PPARA: variants seen among roughly 807,000 people sequenced by gnomAD.
PPARA encodes peroxisome proliferator activated receptor alpha, also known as peroxisome proliferator-activated receptor alpha.
A neutral mutation model predicts 42.2 loss-of-function variants in PPARA; 22 were observed. That is an observed-to-expected ratio of 0.52 (90% CI 0.37 to 0.74). PPARA has a LOEUF of 0.74. PPARA is among the 30% of genes least tolerant of loss of function. The probability of loss-of-function intolerance (pLI) is 0.00; values close to 1 mark genes in which losing one functional copy is unlikely to be tolerated. For synonymous variants in PPARA, 242 were observed against 239.3 expected, an observed-to-expected ratio of 1.01 and a Z score of -0.10; for missense variants, 465 against 608.2, an observed-to-expected ratio of 0.76 and a Z score of 2.48.
chr22:46,215,401 A>G (rs1254627725), intron 5 of PPARA, 68 bp downstream of exon 5: 1 of 1,593,006 alleles, frequency 6.3e-7, no homozygotes, highest in Non-Finnish European at 8.6e-7. Context: ...TTTTATAGCA[A>G]ATGGCAGTCA....
intron 1 of PPARA, among the ~76,000 whole-genome samples, chr22:46,151,375 C>T (rs1159329213): frequency 6.6e-6 from 1 of 152,192 alleles, no homozygotes; most frequent in African/African-American, 2.4e-5. Flanking sequence ...GGTCGGGCGC[C>T]CAGGTCTTTC....
At chr22:46,174,126 C>G (rs770990542) in intron 2 of PPARA, among the ~76,000 whole-genome samples, 1 of 149,378 alleles carries the variant, frequency 6.7e-6, no homozygotes, top group South Asian at 2.1e-4. Flanking sequence ...TACAGTGAGC[C>G]GAGATTGCAC....
At chr22:46,217,007 C>G (rs4253744) in intron 5 of PPARA, among the ~76,000 whole-genome samples, 8,276 of 152,242 alleles carry the variant, frequency 0.054, 647 homozygotes, top group African/African-American at 0.18. Context: ...GCACAATGTA[C>G]CATCTTGGAA....
In PPARA at chr22:46,162,322, G is replaced by A. The variant is rs575488908; in HGVS notation, c.-127+10352G>A. Among the ~76,000 whole-genome samples the A allele has an allele frequency of 6.6e-6, 1 of 152,272 alleles. No homozygotes were observed. The highest frequency in any genetic ancestry group is 2.1e-4 in the South Asian group (1 of 4,818). On this transcript the variant is annotated intron_variant, in intron 2 of 8. Transcript: ENST00000407236. The surrounding 1 kb of genome is among the most constrained non-coding windows in gnomAD (Gnocchi z 6.0). ...TATGGGATGAGAGGTTGATAGGAGG[G>A]CATGGCCCTGACATTCCAGGGACTG...
chr22:46,195,214 C>G lies in PPARA; in HGVS notation c.-42-3128C>G, dbSNP rs1209251695. ...CACCATGCCCGGCCCCAGCTACTTGCTTTCTATTGGGATGAACCTCATGGT... is the reference window on the plus strand; with the variant it reads ...CACCATGCCCGGCCCCAGCTACTTGGTTTCTATTGGGATGAACCTCATGGT... On this transcript the variant is annotated intron_variant, in intron 3 of 8. Transcript: ENST00000407236. The surrounding 1 kb of genome is among the most constrained non-coding windows in gnomAD (Gnocchi z 4.6). 1.3e-5 allele frequency among the ~76,000 whole-genome samples: 2 copies of G among 152,068 alleles called. No homozygotes were observed. The highest frequency in any genetic ancestry group is 2.4e-5 in the African/African-American group (1 of 41,402).
intron 2 of PPARA, among the ~76,000 whole-genome samples, chr22:46,170,259 GT>G (rs1384230382): frequency 1.3e-5 from 2 of 151,074 alleles, no homozygotes; most frequent in Non-Finnish European, 3.0e-5. Flanking sequence ...TGTTTGTTTT[GT>G]TTTGTTGAGA....
At chr22:46,205,764 A>C (rs1933241858) in intron 4 of PPARA, among the ~76,000 whole-genome samples, 1 of 151,154 alleles carries the variant, frequency 6.6e-6, no homozygotes, top group Non-Finnish European at 1.5e-5. Flanking sequence ...AACTCTGTTT[A>C]AAACATTTAG....
Position 46,187,092 on chromosome 22 carries a change from A to G in PPARA, c.-43+10256A>G, listed in dbSNP as rs1052528592. On this transcript the variant is annotated intron_variant, in intron 3 of 8. Transcript: ENST00000407236. This position sits in a 1 kb window ranked among gnomAD's most constrained non-coding sequence, Gnocchi z 4.9. The stretch of plus-strand genomic sequence containing the variant: ...TATAAGGTGGAGTTTTCAAGGTCAT[A>G]GCACTGCCTTCCCCTGAGGTTGGCC... Among the ~76,000 whole-genome samples the G allele has an allele frequency of 1.3e-5, 2 of 152,192 alleles. No individual in the cohort carries two copies. Among genetic ancestry groups the G allele is most frequent in the Non-Finnish European group, 2.9e-5 (2 of 68,034 alleles).
rs938591619 is a variant in PPARA, at chr22:46,170,316, T to C, written c.-126-6437T>C. On this transcript the variant is annotated intron_variant, in intron 2 of 8. Transcript: ENST00000407236. ...CAGGCTGGAGTGCAGTGGTGTGATCTTGGCTCACTCCTGGCCTCAAGTGAT... is the reference window on the plus strand; with the variant it reads ...CAGGCTGGAGTGCAGTGGTGTGATCCTGGCTCACTCCTGGCCTCAAGTGAT... Among the ~76,000 whole-genome samples, 4 of 151,396 alleles carry C rather than the reference T, an allele frequency of 2.6e-5. No homozygotes were observed. In the South Asian group the frequency reaches 8.3e-4, roughly 32 times the overall value.
intron 4 of PPARA, among the ~76,000 whole-genome samples, chr22:46,199,872 G>A (rs1001534403): frequency 1.3e-5 from 2 of 151,982 alleles, no homozygotes; most frequent in Admixed American, 1.3e-4. Flanking sequence ...ACAGGCACCC[G>A]TCACCATGCC....
Position 46,200,930 on chromosome 22 carries a change from A to G in PPARA, c.208+2339A>G, listed in dbSNP as rs1432033756. Among the ~76,000 whole-genome samples, 1 of 145,200 alleles carries G rather than the reference A, an allele frequency of 6.9e-6. No individual in the cohort carries two copies. Among genetic ancestry groups the G allele is most frequent in the Non-Finnish European group, 1.5e-5 (1 of 66,554 alleles). The stretch of plus-strand genomic sequence containing the variant: ...CAGGGTGAGACTCCATCTCAAAAAA[A>G]AGTTGGGGCGTGGTGGCTCATGCCT... On this transcript the variant is annotated intron_variant, in intron 4 of 8. Transcript: ENST00000407236. This position sits in a 1 kb window ranked among gnomAD's most constrained non-coding sequence, Gnocchi z 4.8.
In PPARA at chr22:46,167,758, C is replaced by T. The variant is rs1927289295; in HGVS notation, c.-126-8995C>T. Reference sequence around the variant, plus strand: ...TTGAACATGATTTAAAAAGCATTAACTAGGCCAGGTATGCTGGCTTACACC... The same window carrying T: ...TTGAACATGATTTAAAAAGCATTAATTAGGCCAGGTATGCTGGCTTACACC... On this transcript the variant is annotated intron_variant, in intron 2 of 8. Transcript: ENST00000407236. This position sits in a 1 kb window ranked among gnomAD's most constrained non-coding sequence, Gnocchi z 4.1. Among the ~76,000 whole-genome samples, 1 of 152,150 alleles carries T rather than the reference C, an allele frequency of 6.6e-6. No homozygotes were observed. Among genetic ancestry groups the T allele is most frequent in the African/African-American group, 2.4e-5 (1 of 41,440 alleles).
chr22:46,228,766 T>G (rs553918164), intron 7 of PPARA, among the ~76,000 whole-genome samples: 52 of 148,686 alleles, frequency 3.5e-4, no homozygotes, highest in African/African-American at 1.4e-3. Flanking sequence ...CCCAACTTCA[T>G]TCAACTCAGT....
At position 46,215,756 on chromosome 22, in the gene PPARA, GA is replaced by G. The variant is rs1178384992; in HGVS notation, c.369+430del. ...AGACTCCATCTTAAAAAAAAAGAAA[GA>G]AAAAAAGAAAAAGAAAAAGAAACTG... On this transcript the variant is annotated intron_variant, in intron 5 of 8. Transcript: ENST00000407236. Among the ~76,000 whole-genome samples the G allele has an allele frequency of 2.0e-5, 3 of 151,346 alleles. No homozygotes were observed. The South Asian group carries it at 6.3e-4, about 32-fold the overall frequency.
chr22:46,199,175 C>G lies in PPARA; in HGVS notation c.208+584C>G, dbSNP rs534392005. On this transcript the variant is annotated intron_variant, in intron 4 of 8. Coordinates refer to ENST00000407236, the MANE Select transcript of PPARA (RefSeq NM_005036.6). ...ACACAGACCCTAACCCCAGCAAGCCCGCGGGGGGCAGCTAGACATTTTTAA... is the reference window on the plus strand; with the variant it reads ...ACACAGACCCTAACCCCAGCAAGCCGGCGGGGGGCAGCTAGACATTTTTAA... 3.3e-5 allele frequency among the ~76,000 whole-genome samples: 5 copies of G among 152,188 alleles called. 1 individual carries two copies. The highest frequency in any genetic ancestry group is 6.8e-3 in the Middle Eastern group (2 of 294).
intron 2 of PPARA, 151 bp from the exon 3 acceptor site, chr22:46,176,602 G>A (rs1929099966): frequency 6.6e-6 from 1 of 152,194 alleles, no homozygotes; most frequent in African/African-American, 2.4e-5. Context: ...AATGGTCAAA[G>A]ACATGGTCTG....
chr22:46,179,856 A>G (rs780731135), intron 3 of PPARA, among the ~76,000 whole-genome samples: 6 of 152,206 alleles, frequency 3.9e-5, no homozygotes, highest in Non-Finnish European at 8.8e-5. Context: ...AAAATTCTCA[A>G]AACTCACCTA....
At chr22:46,169,376 AG>A (rs1220001638) in intron 2 of PPARA, among the ~76,000 whole-genome samples, 1 of 152,000 alleles carries the variant, frequency 6.6e-6, no homozygotes, top group Non-Finnish European at 1.5e-5. Flanking sequence ...CTGGGACTAC[AG>A]GCGCCCGCCA....
At position 46,196,642 on chromosome 22, in the gene PPARA, G is replaced by A. The variant is rs75399172; in HGVS notation, c.-42-1700G>A. ...TGGCCTCACCCCGGACACTCCACAC[G>A]TGCATTCATTTCGTTGTTCACCATC... On this transcript the variant is annotated intron_variant, in intron 3 of 8. Transcript: ENST00000407236. The surrounding 1 kb of genome is among the most constrained non-coding windows in gnomAD (Gnocchi z 5.6). Among the ~76,000 whole-genome samples, 325 of 152,240 alleles carry A rather than the reference G, an allele frequency of 2.1e-3. 2 individuals carry two copies. The highest frequency in any genetic ancestry group is 7.4e-3 in the African/African-American group (306 of 41,552).
Sources: gnomAD v4.1 joint callset for allele counts (sites outside exome capture counted in the v4.1 genomes callset) on GRCh38, gnomAD v4.1.1 for gene constraint, Gnocchi (gnomAD v3.1) non-coding constraint, MANE v1.5 for transcripts, NCBI Gene and HGNC (gene_info 2026-07-23, HGNC 2026-07-21) for gene names.